The following LGSN variants were observed in gnomAD, a reference collection of about 807,000 sequenced individuals.
The protein encoded by LGSN is lengsin.
A neutral mutation model predicts 19.5 loss-of-function variants in LGSN; 21 were observed. The observed-to-expected ratio is 1.07, with a 90% CI of 0.76 to 1.55. LGSN has a LOEUF of 1.55. Ranked by LOEUF, LGSN falls within the 40% of genes most tolerant of loss-of-function variation. The pLI is 0.00. For synonymous variants in LGSN, 257 were observed against 215.6 expected (o/e 1.19, Z -1.68); for missense variants, 673 against 608.5 (o/e 1.11, Z -1.12).
At chr6:63,556,180 T>C in the LGSN span, among the ~76,000 whole-genome samples, 2 of 152,128 alleles carry the variant, frequency 1.3e-5, no homozygotes, top group African/African-American at 4.8e-5. Flanking sequence ...TTTACTGTGA[T>C]TTATTTATTT....
chr6:63,468,955 G>A, the LGSN span, among the ~76,000 whole-genome samples: 1 of 151,868 alleles, frequency 6.6e-6, no homozygotes, highest in Admixed American at 6.6e-5. Context: ...CACCATGTTG[G>A]ACAGGCTAGT....
At chr6:63,330,688 C>T in the LGSN span, among the ~76,000 whole-genome samples, 1 of 152,176 alleles carries the variant, frequency 6.6e-6, no homozygotes, top group Non-Finnish European at 1.5e-5. Flanking sequence ...CAACTCCAGT[C>T]CCCATGATCT....
upstream of LGSN, chr6:63,320,077 C>A (rs988482565): frequency 1.5e-6 from 1 of 687,586 alleles, no homozygotes; most frequent in South Asian, 1.7e-5. Context: ...AGGGGTCTGG[C>A]AGGTAATAAA....
chr6:63,520,114 T>G, the LGSN span, among the ~76,000 whole-genome samples: 1 of 152,196 alleles, frequency 6.6e-6, no homozygotes, highest in African/African-American at 2.4e-5. Context: ...AACCACTGGA[T>G]CTCTTGCATA....
the LGSN span, among the ~76,000 whole-genome samples, chr6:63,450,174 C>T: frequency 0.047 from 6,691 of 141,334 alleles, 200 homozygotes; most frequent in Non-Finnish European, 0.072. Flanking sequence ...TGGTGAAACC[C>T]CATCTCTACT....
At chr6:63,534,995 G>C in the LGSN span, among the ~76,000 whole-genome samples, 1 of 152,148 alleles carries the variant, frequency 6.6e-6, no homozygotes, top group Admixed American at 6.5e-5. Context: ...AGGAGGCAGA[G>C]GTTGCAGTGA....
At chr6:63,572,353 A>G in the LGSN span, 1 of 281,624 alleles carries the variant, frequency 3.6e-6, no homozygotes, top group South Asian at 1.7e-4. Flanking sequence ...CCGCGGAGTG[A>G]CGTCCGGAGG....
chr6:63,556,474 C>T, the LGSN span, among the ~76,000 whole-genome samples: 1 of 152,182 alleles, frequency 6.6e-6, no homozygotes, highest in Non-Finnish European at 1.5e-5. Flanking sequence ...AGCCACTATG[C>T]TCTGCCTAAT....
At chr6:63,392,419 G>C in the LGSN span, 1 of 152,348 alleles carries the variant, frequency 6.6e-6, no homozygotes, top group African/African-American at 2.4e-5. Context: ...CCCTGTCTCA[G>C]GGGGCATCAC....
chr6:63,452,653 TTC>T, the LGSN span, among the ~76,000 whole-genome samples: 175 of 147,774 alleles, frequency 1.2e-3, no homozygotes, highest in South Asian at 5.4e-3. Flanking sequence ...TATGTTATCT[TTC>T]TCTCTCTCTC....
rs746726049 is a variant in LGSN, at chr6:63,280,960, G to C, written c.591C>G (p.Ala197=). ...AAGCAGAAAGCAGGGAAAAGCCAGA[G>C]GCCTGCAGATGGCTCAGCTGCCTCT... is the stretch of plus-strand genomic sequence containing the variant. ...IAKRQLSHLQ[A]SGFSLLSAFI... Residue 197 remains alanine (A), a synonymous_variant, in exon 4 of 4, where the codon GCC becomes GCG. Transcript: ENST00000370657. 2 of 1,614,140 alleles carry C rather than the reference G, an allele frequency of 1.2e-6. No individual in the cohort carries two copies. The highest frequency in any genetic ancestry group is 1.7e-6 in the Non-Finnish European group (2 of 1,180,022).
At chr6:63,468,108 A>G in the LGSN span, among the ~76,000 whole-genome samples, 6 of 152,128 alleles carry the variant, frequency 3.9e-5, no homozygotes, top group African/African-American at 1.2e-4. Flanking sequence ...AATCAGTGAT[A>G]CTGTTATTTA....
Position 63,280,648 on chromosome 6 carries a change from G to C in LGSN, c.903C>G (p.Ser301Arg). The C allele has an allele frequency of 6.2e-7, 1 of 1,614,070 alleles. No homozygotes were observed. Among genetic ancestry groups the C allele is most frequent in the Non-Finnish European group, 8.5e-7 (1 of 1,180,028 alleles). Residue 301 changes from serine (S) to arginine (R), a missense_variant, in exon 4 of 4, where the codon AGC (serine) becomes AGG (arginine). By Grantham distance (110) the Ser-to-Arg change is moderately radical. Transcript: ENST00000370657. Reference protein sequence around the residue: ...EVARKYNYIASFFIETGFCDS... With the variant: ...EVARKYNYIARFFIETGFCDS... Reference sequence around the variant, plus strand: ...CACAAAATCCAGTCTCAATGAAGAAGCTGGCAATGTAATTATATTTCCTTG... The same window carrying C: ...CACAAAATCCAGTCTCAATGAAGAACCTGGCAATGTAATTATATTTCCTTG...
intron 1 of LGSN, among the ~76,000 whole-genome samples, chr6:63,312,066 A>G (rs1768650686): frequency 6.6e-6 from 1 of 152,182 alleles, no homozygotes; most frequent in Non-Finnish European, 1.5e-5. Flanking sequence ...ATGACAGAAA[A>G]TTTTATTTGG....
chr6:63,540,824 C>T, the LGSN span, among the ~76,000 whole-genome samples: 5 of 150,408 alleles, frequency 3.3e-5, no homozygotes, highest in Non-Finnish European at 4.4e-5. Context: ...TGGTGAAACG[C>T]CATCTCTGCT....
At chr6:63,359,569 T>C in the LGSN span, among the ~76,000 whole-genome samples, 2 of 152,220 alleles carry the variant, frequency 1.3e-5, no homozygotes, top group Non-Finnish European at 2.9e-5. Context: ...TGGGAGAGTG[T>C]ATGTGTTGAG....
chr6:63,314,202 A>T (rs535729510), intron 1 of LGSN, among the ~76,000 whole-genome samples: 2 of 152,290 alleles, frequency 1.3e-5, no homozygotes, highest in East Asian at 3.9e-4. Flanking sequence ...TGATTAGGTC[A>T]TGAGGCTACA....
At chr6:63,389,714 C>A in the LGSN span, among the ~76,000 whole-genome samples, 1 of 152,164 alleles carries the variant, frequency 6.6e-6, no homozygotes, top group Admixed American at 6.5e-5. Context: ...GTAAACCAAA[C>A]CATGATAGTT....
the LGSN span, chr6:63,441,473 A>G: frequency 1.6e-5 from 7 of 439,620 alleles, no homozygotes; most frequent in Non-Finnish European, 3.1e-5. Context: ...TTGGGTGAGA[A>G]GCCATGGAAA....
Sources: gnomAD v4.1 joint callset for allele counts (sites outside exome capture counted in the v4.1 genomes callset) on GRCh38, gnomAD v4.1.1 for gene constraint, MANE v1.5 for transcripts, NCBI Gene and HGNC (gene_info 2026-07-23, HGNC 2026-07-21) for gene names.